Variants in BTD observed in about 807,000 individuals in gnomAD.
The protein encoded by BTD is biotinidase.
In BTD, 13 loss-of-function variants were observed where a neutral mutation model predicts 17.7. That is an observed-to-expected ratio of 0.74 (90% CI 0.48 to 1.17). BTD has a LOEUF of 1.17. Among genes scored for constraint, BTD ranks in the 50% most tolerant of loss-of-function variants. BTD has a pLI of 0.00. For missense variants in BTD, 674 were observed against 650.4 expected, an observed-to-expected ratio of 1.04 and a Z score of -0.39; for synonymous variants, 240 against 245.2, an observed-to-expected ratio of 0.98 and a Z score of 0.20.
chr3:15,711,371 C>T, exon 4 of BTD: 1 of 1,026,112 alleles, frequency 9.7e-7, no homozygotes, highest in South Asian at 1.5e-5. Context: ...CCCCTCCAAT[C>T]CCAAACAAAA....
At chr3:15,624,478 C>T (rs1317459612) in intron 1 of BTD, among the ~76,000 whole-genome samples, 1 of 152,154 alleles carries the variant, frequency 6.6e-6, no homozygotes, top group Non-Finnish European at 1.5e-5. Flanking sequence ...ATTCCTTCCT[C>T]AGCCATGTCC....
chr3:15,712,191 A>T, exon 4 of BTD: 1 of 1,586,606 alleles, frequency 6.3e-7, no homozygotes, highest in Non-Finnish European at 8.6e-7. Context: ...AAGGCTGCCA[A>T]ATGGAGGGGG....
chr3:15,646,537 A>G lies in BTD; in HGVS notation c.*1049A>G, dbSNP rs1037236859. On this transcript the variant is annotated 3_prime_UTR_variant, in exon 4 of 4. Transcript: ENST00000643237. ...GAGCTTCCCATGTTAGGAATTCCAG[A>G]TGCAAAATTATCAGACTCAATATGG... 2 of 152,246 alleles carry G rather than the reference A, an allele frequency of 1.3e-5. No homozygotes were observed. Among genetic ancestry groups the G allele is most frequent in the Admixed American group, 1.3e-4 (2 of 15,286 alleles). 9.4% of individuals were successfully genotyped at this position (152,246 alleles called of 1,614,324 possible). A position where few individuals can be genotyped will look rare whatever the true frequency, so the allele number is the denominator to read the frequency against.
At chr3:15,657,748 G>A (rs1020159400), downstream of BTD, among the ~76,000 whole-genome samples, 81 of 151,948 alleles carry the variant, frequency 5.3e-4, no homozygotes, top group African/African-American at 1.9e-3. Context: ...CTGTTCGAGG[G>A]CACCTTCCAC....
At chr3:15,675,699 T>C (rs2066865093) in intron 3 of BTD, among the ~76,000 whole-genome samples, 1 of 152,250 alleles carries the variant, frequency 6.6e-6, no homozygotes, top group Non-Finnish European at 1.5e-5. Flanking sequence ...TAACAGATGA[T>C]ATAGGAATTC....
chr3:15,629,199 GAACAATAGGAGTCAGAAT>G lies in BTD; in HGVS notation c.-16-6223_-16-6206del, dbSNP rs553459131. 8.8e-4 allele frequency among the ~76,000 whole-genome samples: 134 copies of G among 152,308 alleles called. 1 individual carries two copies. The East Asian group carries it at 0.022, about 25-fold the overall frequency. On this transcript the variant is annotated intron_variant, in intron 1 of 3. Transcript: ENST00000643237. The stretch of plus-strand genomic sequence containing the variant: ...ACTCATAACTTTCTTTGACATAAGG[GAACAATAGGAGTCAGAAT>G]ATAGGATATACATTCCTCTATCTTC...
chr3:15,643,042 AAATAAAAT>A (rs1410558055), intron 3 of BTD, among the ~76,000 whole-genome samples: 2 of 103,284 alleles, frequency 1.9e-5, no homozygotes, highest in African/African-American at 9.9e-5. Context: ...AAAAAAAAAA[AAATAAAAT>A]AAAATAAAGA....
At chr3:15,709,323 CATT>C in intron 3 of BTD, among the ~76,000 whole-genome samples, 1 of 152,108 alleles carries the variant, frequency 6.6e-6, no homozygotes, top group Non-Finnish European at 1.5e-5. Context: ...AGAACTGTAT[CATT>C]ATTTTCTAGG....
At chr3:15,681,694 T>A (rs1004494400) in intron 3 of BTD, among the ~76,000 whole-genome samples, 1 of 152,242 alleles carries the variant, frequency 6.6e-6, no homozygotes, top group Non-Finnish European at 1.5e-5. Flanking sequence ...AAACCTGTAA[T>A]TGTGTTCCAT....
Position 15,635,659 on chromosome 3 carries a change from G to T in BTD, c.220G>T (p.Glu74Ter). ...ELMNQNLDIY[E>*]QQVMTAAQKD... ...CATGAACCAGAACCTTGACATCTAT[G>T]AACAGCAAGTGATGACTGCAGCCCA... Residue 74 changes from glutamate to a stop codon, truncating the protein, a stop_gained, in exon 2 of 4, where the codon GAA becomes TAA. Coordinates refer to ENST00000643237, the MANE Select transcript of BTD (RefSeq NM_001370658.1). LOFTEE classifies it high-confidence loss of function. The surrounding 1 kb of genome is among the most constrained non-coding windows in gnomAD (Gnocchi z 4.1). 6.2e-7 allele frequency: 1 copy of T among 1,614,214 alleles called. No homozygotes were observed. The highest frequency in any genetic ancestry group is 8.5e-7 in the Non-Finnish European group (1 of 1,180,038).
At chr3:15,690,224 G>C in intron 3 of BTD, 1 of 1,563,034 alleles carries the variant, frequency 6.4e-7, no homozygotes, top group Non-Finnish European at 8.7e-7. Context: ...GATAGGCCTA[G>C]AAATAAATAA....
intron 3 of BTD, chr3:15,683,890 G>A (rs575202812): frequency 1.3e-5 from 2 of 152,254 alleles, no homozygotes; most frequent in South Asian, 2.1e-4. Context: ...CAACTTCCTG[G>A]TAAGGCAGTC....
rs573785907 is a variant in BTD at position 15,608,759 on chromosome 3, C to T, written c.-17+6865C>T. 7.5e-5 allele frequency among the ~76,000 whole-genome samples: 11 copies of T among 146,720 alleles called. No individual in the cohort carries two copies. In the East Asian group the frequency reaches 9.9e-4, roughly 13 times the overall value. ...CCAGCCTGGCGACAGAGCGAGACTC[C>T]GTCTCAAAAAAAAAAAAAAAAAGAA... is the stretch of plus-strand genomic sequence containing the variant. On this transcript the variant is annotated intron_variant, in intron 1 of 3. Transcript: ENST00000643237.
chr3:15,628,393 C>T (rs771357752), intron 1 of BTD, among the ~76,000 whole-genome samples: 1 of 152,198 alleles, frequency 6.6e-6, no homozygotes, highest in Non-Finnish European at 1.5e-5. Flanking sequence ...TTTCTGAGCA[C>T]ATCTTCCCTG....
intron 3 of BTD, among the ~76,000 whole-genome samples, chr3:15,701,597 T>C (rs1037267769): frequency 4.6e-5 from 7 of 151,822 alleles, no homozygotes; most frequent in Non-Finnish European, 7.4e-5. Flanking sequence ...TAAGCTGAGA[T>C]TGCACCATTG....
rs887922806 is a variant in BTD at position 15,662,835 on chromosome 3, A to G, written c.399+20778A>G. ...TTTTTTGTAGATACAGGGTTTCATC[A>G]TCTTGCCCAGGCTGGAGGTTTTTTT... On this transcript the variant is annotated intron_variant, in intron 3 of 3. Transcript: ENST00000672141. Among the ~76,000 whole-genome samples the G allele has an allele frequency of 9.8e-5, 13 of 132,212 alleles. 3 individuals are homozygous for G. The highest frequency in any genetic ancestry group is 2.1e-4 in the East Asian group (1 of 4,662). 86.7% of individuals were successfully genotyped at this position (132,212 alleles called of 152,430 possible). A position where few individuals can be genotyped will look rare whatever the true frequency, so the allele number is the denominator to read the frequency against.
downstream of BTD, among the ~76,000 whole-genome samples, chr3:15,716,736 G>A (rs2073112112): frequency 6.6e-6 from 1 of 152,174 alleles, no homozygotes; most frequent in Non-Finnish European, 1.5e-5. Flanking sequence ...ACAAAATGAT[G>A]AAATTTGGAA....
intron 3 of BTD, chr3:15,686,244 C>G: frequency 6.3e-7 from 1 of 1,593,356 alleles, no homozygotes; most frequent in Non-Finnish European, 8.6e-7. Context: ...TCTTGAATAT[C>G]CACTGCATTC....
intron 3 of BTD, among the ~76,000 whole-genome samples, chr3:15,705,699 GC>G (rs1348741241): frequency 2.6e-5 from 4 of 152,000 alleles, no homozygotes; most frequent in South Asian, 2.1e-4. Context: ...CATTACTATT[GC>G]CTTTAAGATT....
Sources: gnomAD v4.1 joint callset for allele counts (sites outside exome capture counted in the v4.1 genomes callset) on GRCh38, gnomAD v4.1.1 for gene constraint, Gnocchi (gnomAD v3.1) non-coding constraint, MANE v1.5 for transcripts, NCBI Gene and HGNC (gene_info 2026-07-23, HGNC 2026-07-21) for gene names.